The following RBFOX2 variants were observed in gnomAD, a reference collection of about 807,000 sequenced individuals.
RBFOX2 encodes RNA binding fox-1 homolog 2, also known as RNA binding protein fox-1 homolog 2.
In RBFOX2, 10 loss-of-function variants were observed where a neutral mutation model predicts 49.1. The ratio of observed to expected loss-of-function variants is 0.20; its 90% CI spans 0.13 to 0.35. The LOEUF is 0.35. Ranked by LOEUF, RBFOX2 falls within the 10% of genes least tolerant of loss-of-function variation. The probability of loss-of-function intolerance (pLI) is 1.00; values close to 1 mark genes in which losing one functional copy is unlikely to be tolerated. For synonymous variants in RBFOX2, 183 were observed against 187.4 expected (o/e 0.98, Z 0.19); for missense variants, 323 against 486.9 (o/e 0.66, Z 3.17).
At chr22:36,010,717 C>G (rs979924505) in intron 1 of RBFOX2, among the ~76,000 whole-genome samples, 2 of 147,560 alleles carry the variant, frequency 1.4e-5, no homozygotes, top group African/African-American at 2.5e-5. Flanking sequence ...GAATCAGAAT[C>G]CAATTACTGT....
At chr22:35,803,147 A>AACAC (rs374346895) in intron 2 of RBFOX2, among the ~76,000 whole-genome samples, 4,118 of 145,800 alleles carry the variant, frequency 0.028, 140 homozygotes, top group African/African-American at 0.091. Context: ...AATTACTTAA[A>AACAC]ACACACACAC....
intron 1 of RBFOX2, among the ~76,000 whole-genome samples, chr22:36,022,188 T>C (rs1242676214): frequency 6.6e-6 from 1 of 152,232 alleles, no homozygotes; most frequent in Non-Finnish European, 1.5e-5. Flanking sequence ...GACATCAAAC[T>C]GAAGGCCTGA....
chr22:36,016,747 T>C (rs1014579146), intron 1 of RBFOX2, among the ~76,000 whole-genome samples: 5 of 152,212 alleles, frequency 3.3e-5, no homozygotes, highest in African/African-American at 1.2e-4. Flanking sequence ...AGTTATTCCA[T>C]CACCATCATT....
chr22:35,798,907 T>C (rs1333660366), intron 2 of RBFOX2, among the ~76,000 whole-genome samples: 2 of 152,176 alleles, frequency 1.3e-5, no homozygotes, highest in African/African-American at 4.8e-5. Context: ...AAGAAAAGTA[T>C]TTACATTATA....
At chr22:35,739,660 C>T (rs1928833501) in exon 12 of RBFOX2, 1 of 152,542 alleles carries the variant, frequency 6.6e-6, no homozygotes, top group African/African-American at 2.4e-5. Context: ...AAAAACCAAA[C>T]CAAAAACATT....
intron 1 of RBFOX2, among the ~76,000 whole-genome samples, chr22:35,917,991 G>T (rs1337611163): frequency 1.3e-5 from 2 of 152,184 alleles, no homozygotes; most frequent in African/African-American, 4.8e-5. Context: ...TATGGATTTG[G>T]TAAGTCATCT....
chr22:35,911,331 G>A (rs1409324175), intron 1 of RBFOX2, among the ~76,000 whole-genome samples: 1 of 152,132 alleles, frequency 6.6e-6, no homozygotes, highest in Non-Finnish European at 1.5e-5. Flanking sequence ...TCTTCACTTG[G>A]TGGGCTTTTT....
At position 35,890,128 on chromosome 22, in the gene RBFOX2, G is replaced by T. The variant is rs534220707; in HGVS notation, c.-34+48719C>A. 2.0e-5 allele frequency among the ~76,000 whole-genome samples: 3 copies of T among 152,250 alleles called. No homozygotes were observed. The South Asian group carries it at 6.2e-4, about 32-fold the overall frequency. Reference sequence around the variant, plus strand: ...ATTTTTCTAAGATTATTCCATGAATGTTCCTAAGAATATATCTTTTTCGTA... The same window carrying T: ...ATTTTTCTAAGATTATTCCATGAATTTTCCTAAGAATATATCTTTTTCGTA... On this transcript the variant is annotated intron_variant, in intron 1 of 13. Coordinates refer to the RBFOX2 transcript ENST00000359369.
intron 1 of RBFOX2, among the ~76,000 whole-genome samples, chr22:35,920,694 T>C (rs1225295140): frequency 6.6e-6 from 1 of 152,182 alleles, no homozygotes; most frequent in Non-Finnish European, 1.5e-5. Flanking sequence ...GCAAGAATTA[T>C]GATAAAAAAG....
rs536348199 is a variant in RBFOX2 at position 35,866,556 on chromosome 22, T to C, written c.-33-56552A>G. On this transcript the variant is annotated intron_variant, in intron 1 of 13. Coordinates refer to the RBFOX2 transcript ENST00000359369. ...TCCCACTAAGTACAATTTAAAACCC[T>C]AGACATTTCATATATTAAACATAAG... 5.9e-4 allele frequency among the ~76,000 whole-genome samples: 90 copies of C among 152,272 alleles called. 5 individuals are homozygous for C. In the South Asian group the frequency reaches 0.018, roughly 31 times the overall value.
chr22:35,856,811 T>C (rs575338252), intron 1 of RBFOX2, among the ~76,000 whole-genome samples: 35 of 152,126 alleles, frequency 2.3e-4, no homozygotes, highest in Middle Eastern at 6.8e-3. Flanking sequence ...GGCGGGTGGA[T>C]TGCCTGAACT....
chr22:35,913,307 G>C lies in RBFOX2; in HGVS notation c.-34+25540C>G, dbSNP rs574778807. Among the ~76,000 whole-genome samples, 8 of 152,084 alleles carry C rather than the reference G, an allele frequency of 5.3e-5. No individual in the cohort carries two copies. The South Asian group carries it at 1.7e-3, about 32-fold the overall frequency. The stretch of plus-strand genomic sequence containing the variant: ...AGCCTGGGCAACATAGTGAGACTCT[G>C]TCTCTATTTTTAAAAAGTAAAAAAA... On this transcript the variant is annotated intron_variant, in intron 1 of 13. Coordinates refer to the RBFOX2 transcript ENST00000359369.
chr22:35,838,008 T>A (rs1191687199), intron 1 of RBFOX2, among the ~76,000 whole-genome samples: 1 of 152,130 alleles, frequency 6.6e-6, no homozygotes. Flanking sequence ...AATAGAAAAC[T>A]CATCATAAAA....
At chr22:35,837,250 T>C (rs1843873995) in intron 1 of RBFOX2, among the ~76,000 whole-genome samples, 1 of 152,178 alleles carries the variant, frequency 6.6e-6, no homozygotes, top group African/African-American at 2.4e-5. Context: ...AGTCATTCAC[T>C]GAAAGCCCTT....
intron 9 of RBFOX2, among the ~76,000 whole-genome samples, chr22:35,756,583 A>T (rs779886554): frequency 6.6e-6 from 1 of 152,112 alleles, no homozygotes; most frequent in Admixed American, 6.6e-5. Flanking sequence ...AACATGAAAA[A>T]CTGAACCCAA....
chr22:35,767,796 G>A (rs532894431), intron 5 of RBFOX2, among the ~76,000 whole-genome samples: 1 of 152,228 alleles, frequency 6.6e-6, no homozygotes, highest in South Asian at 2.1e-4. Context: ...ACAAAGAGGC[G>A]AACTGGCCTC....
chr22:35,897,508 CA>C, intron 1 of RBFOX2: 1 of 818,210 alleles, frequency 1.2e-6, no homozygotes. Context: ...CACTGATAGG[CA>C]AAAGGTGGCA....
At chr22:35,968,232 T>C (rs971616444) in intron 1 of RBFOX2, among the ~76,000 whole-genome samples, 1 of 152,122 alleles carries the variant, frequency 6.6e-6, no homozygotes, top group Non-Finnish European at 1.5e-5. Flanking sequence ...GGATGAAAAG[T>C]TGAAAGGGTT....
chr22:35,915,086 A>G (rs957440145), intron 1 of RBFOX2, among the ~76,000 whole-genome samples: 12 of 151,990 alleles, frequency 7.9e-5, no homozygotes, highest in African/African-American at 2.9e-4. Context: ...CCACCCTACC[A>G]TTTTACTCGA....
Sources: allele counts gnomAD v4.1 joint callset (sites outside exome capture counted in the v4.1 genomes callset), GRCh38; gene constraint gnomAD v4.1.1; transcripts MANE v1.5; gene names NCBI Gene and HGNC (gene_info 2026-07-23, HGNC 2026-07-21).